The following BEGAIN variants were observed in gnomAD, a reference collection of about 807,000 sequenced individuals.
The protein encoded by BEGAIN is brain enriched guanylate kinase associated, also known as brain-enriched guanylate kinase-associated protein.
A neutral mutation model predicts 35.8 loss-of-function variants in BEGAIN; 19 were observed. That is an observed-to-expected ratio of 0.53 (90% confidence interval 0.37 to 0.78). The LOEUF (loss-of-function observed/expected upper bound fraction) is 0.78, where lower values mean the gene tolerates loss of function less well. BEGAIN is among the 30% of genes least tolerant of loss of function. The probability of loss-of-function intolerance (pLI) is 0.00; values close to 1 mark genes in which losing one functional copy is unlikely to be tolerated. For synonymous variants in BEGAIN, 462 were observed against 388.6 expected (o/e 1.19, Z -2.22); for missense variants, 795 against 853.6 (o/e 0.93, Z 0.85).
intron 1 of BEGAIN, among the ~76,000 whole-genome samples, chr14:100,584,566 CACTT>C (rs1340690237): frequency 6.6e-6 from 1 of 152,194 alleles, no homozygotes; most frequent in Admixed American, 6.5e-5. Flanking sequence ...AGAATTCACA[CACTT>C]AGTCATTCAT....
rs2032495891 is a variant in BEGAIN at position 100,546,607 on chromosome 14, T to C, written c.127A>G (p.Lys43Glu). ...LRKRLSYTTH[K>E]LEKLETEFDS... ...AACTCGGTCTCGAGCTTCTCGAGCT[T>C]GTGTGTGGTGTAGGACAGCCGCTTG... Residue 43 changes from lysine (K) to glutamate (E), a missense_variant, in exon 3 of 7, where the codon AAG (lysine) becomes GAG (glutamate). Coordinates refer to ENST00000554140, the MANE Select transcript of BEGAIN (RefSeq NM_001385089.1). 6 of 1,592,004 alleles carry C rather than the reference T, an allele frequency of 3.8e-6. No homozygotes were observed. Among genetic ancestry groups the C allele is most frequent in the Non-Finnish European group, 4.3e-6 (5 of 1,172,282 alleles).
chr14:100,538,874 A>T lies in BEGAIN; in HGVS notation c.934T>A (p.Ser312Thr), dbSNP rs368162124. 7 of 1,607,754 alleles carry T rather than the reference A, an allele frequency of 4.4e-6. No individual in the cohort carries two copies. Among genetic ancestry groups the T allele is most frequent in the Non-Finnish European group, 5.9e-6 (7 of 1,178,448 alleles). The change falls in exon 7 of 7, where the codon TCA (serine) becomes ACA (threonine). Residue 312 changes from serine (S) to threonine (T), a missense_variant. Ser to Thr is a moderately conservative substitution (Grantham distance 58). Around this residue, in one of 3 missense-constraint regions of BEGAIN, gnomAD observed 664 missense variants for 647.7 expected, o/e 1.03. Transcript: ENST00000554140. ...QHEAFPSYAG[S>T]LPTSSSYSSF... ...GAGTAGGAGCTGGACGTGGGCAGTG[A>T]GCCTGCGTAGCTGGGGAAGGCCTCA...
chr14:100,570,367 A>G (rs2035040159), intron 1 of BEGAIN, among the ~76,000 whole-genome samples: 1 of 152,222 alleles, frequency 6.6e-6, no homozygotes, highest in African/African-American at 2.4e-5. Flanking sequence ...GGGAACAGGC[A>G]GCCCCTGCCC....
At chr14:100,543,607 G>C (rs139052707) in intron 5 of BEGAIN, among the ~76,000 whole-genome samples, 1 of 152,260 alleles carries the variant, frequency 6.6e-6, no homozygotes, top group African/African-American at 2.4e-5. Flanking sequence ...TACAGCAGAG[G>C]GTCTGTTTAA....
chr14:100,554,860 C>G (rs2033551537), intron 2 of BEGAIN, among the ~76,000 whole-genome samples: 1 of 152,244 alleles, frequency 6.6e-6, no homozygotes, highest in Non-Finnish European at 1.5e-5. Context: ...CCGCCACAGC[C>G]CCAGCCTCGC....
Position 100,573,554 on chromosome 14 carries a change from C to T in BEGAIN, c.43-5615G>A, listed in dbSNP as rs2035136897. Among the ~76,000 whole-genome samples, 3 of 152,272 alleles carry T rather than the reference C, an allele frequency of 2.0e-5. No homozygotes were observed. Among genetic ancestry groups the T allele is most frequent in the Admixed American group, 1.3e-4 (2 of 15,298 alleles). On this transcript the variant is annotated intron_variant, in intron 1 of 6. Transcript: ENST00000554140. The surrounding 1 kb of genome is among the most constrained non-coding windows in gnomAD (Gnocchi z 4.2). ...AGTGCAGGACCCCAGGGCATCCAGC[C>T]AGGCCCACGGGGCCTGGGGTGGAGG...
chr14:100,567,986 C>T lies in BEGAIN; in HGVS notation c.43-47G>A. On this transcript the variant is annotated intron_variant, in intron 1 of 6. Transcript: ENST00000554140. This position sits in a 1 kb window ranked among gnomAD's most constrained non-coding sequence, Gnocchi z 5.1. The stretch of plus-strand genomic sequence containing the variant: ...GGTCAGCAGGCAGGAGGCGTGCGCT[C>T]CGCGGCCGCGCCGGGCAGAGCCGGG... 1 of 1,396,310 alleles carries T rather than the reference C, an allele frequency of 7.2e-7. No individual in the cohort carries two copies. The highest frequency in any genetic ancestry group is 3.6e-5 in the East Asian group (1 of 27,518). The allele number at this position is 1,396,310 out of a possible 1,614,324, so 86.5% of individuals were successfully genotyped here.
At chr14:100,544,565 C>T (rs1323218998) in intron 4 of BEGAIN, among the ~76,000 whole-genome samples, 2 of 152,234 alleles carry the variant, frequency 1.3e-5, no homozygotes, top group Admixed American at 1.3e-4. Flanking sequence ...GGCGACCCCA[C>T]TGAGGTCACC....
rs756675638 is a variant in BEGAIN, at chr14:100,538,197, C to A, written c.1611G>T (p.Gly537=). 7.7e-6 allele frequency: 12 copies of A among 1,552,392 alleles called. No homozygotes were observed. The highest frequency in any genetic ancestry group is 7.1e-5 in the South Asian group (6 of 84,624). The change falls in exon 7 of 7, where the codon GGG becomes GGT. Residue 537 remains glycine, a synonymous_variant. Transcript: ENST00000554140. ...DPLPGYAPSE[G]GDGDRLGVQL... ...GCACCCCGAGCCTGTCCCCGTCCCC[C>A]CCCTCGCTGGGTGCATAGCCGGGCA...
intron 2 of BEGAIN, among the ~76,000 whole-genome samples, chr14:100,555,328 C>G (rs1179943001): frequency 6.6e-6 from 1 of 152,250 alleles, no homozygotes; most frequent in East Asian, 1.9e-4. Context: ...GTGCCGGTGG[C>G]CTGTGTTCCC....
At chr14:100,585,411 C>T (rs2035420271) in intron 1 of BEGAIN, among the ~76,000 whole-genome samples, 1 of 84,180 alleles carries the variant, frequency 1.2e-5, no homozygotes, top group East Asian at 3.4e-4. Flanking sequence ...ATCCCTCCCT[C>T]CCTCCCATCC....
At position 100,557,161 on chromosome 14, in the gene BEGAIN, G is replaced by A. The variant is rs1002912053; in HGVS notation, c.72-10499C>T. Among the ~76,000 whole-genome samples, 89 of 150,540 alleles carry A rather than the reference G, an allele frequency of 5.9e-4. 1 individual carries two copies. The highest frequency in any genetic ancestry group is 4.6e-4 in the Non-Finnish European group (31 of 67,716). On this transcript the variant is annotated intron_variant, in intron 2 of 6. Transcript: ENST00000554140. ...CTTCCAGCCACACCCGAGTCAGGGCGGGCCAAACCCAGGCCCCCAATCCCA... is the reference window on the plus strand; with the variant it reads ...CTTCCAGCCACACCCGAGTCAGGGCAGGCCAAACCCAGGCCCCCAATCCCA...
rs1357157583 is a variant in BEGAIN, at chr14:100,545,086, G to C, written c.234-20C>G. 6.2e-7 allele frequency: 1 copy of C among 1,612,880 alleles called. No homozygotes were observed. The highest frequency in any genetic ancestry group is 1.1e-5 in the South Asian group (1 of 91,088). On this transcript the variant is annotated intron_variant, in intron 3 of 6. Coordinates refer to ENST00000554140, the MANE Select transcript of BEGAIN (RefSeq NM_001385089.1). ...TGAATCCTGGTGCAGGAGGCAAGGG[G>C]GTCACTGCCATGCAAGGCCTGTCCC...
At chr14:100,572,009 T>C (rs1454564691) in intron 1 of BEGAIN, among the ~76,000 whole-genome samples, 1 of 152,172 alleles carries the variant, frequency 6.6e-6, no homozygotes. Flanking sequence ...CAGGTGGTGT[T>C]GGCCTGAACG....
rs2034899376 is a variant in BEGAIN at position 100,568,342 on chromosome 14, C to T, written c.43-403G>A. 3.0e-5 allele frequency: 30 copies of T among 1,006,596 alleles called. No homozygotes were observed. Among genetic ancestry groups the T allele is most frequent in the Non-Finnish European group, 3.8e-5 (28 of 744,762 alleles). The allele number at this position is 1,006,596 out of a possible 1,614,324, so 62.4% of individuals were successfully genotyped here. A position where few individuals can be genotyped will look rare whatever the true frequency, so the allele number is the denominator to read the frequency against. The stretch of plus-strand genomic sequence containing the variant: ...CCGCCCGTTAACCCTTCCTGCCCCG[C>T]GCTCCCTCCCGGAGGAAGCCGAACC... On this transcript the variant is annotated intron_variant, in intron 1 of 6. Transcript: ENST00000554140. This position sits in a 1 kb window ranked among gnomAD's most constrained non-coding sequence, Gnocchi z 7.5.
At position 100,540,538 on chromosome 14, in the gene BEGAIN, C is replaced by G. The variant is rs752826830; in HGVS notation, c.450G>C (p.Leu150=). 5 of 1,608,176 alleles carry G rather than the reference C, an allele frequency of 3.1e-6. No individual in the cohort carries two copies. The highest frequency in any genetic ancestry group is 4.2e-6 in the Non-Finnish European group (5 of 1,177,500). The change falls in exon 6 of 7, where the codon CTG becomes CTC. Residue 150 remains leucine, a synonymous_variant. Transcript: ENST00000554140. ...RKDCNLAAQL[L]QCSQTYGRVH... ...CCCTGCCGTAGGTCTGGCTGCACTG[C>G]AGCAGCTGGGCCGCTAGATTGCAGT... is the stretch of plus-strand genomic sequence containing the variant.
rs762843637 is a variant in BEGAIN, at chr14:100,543,990, G to C, written c.301-25C>G. 3.8e-6 allele frequency: 6 copies of C among 1,573,740 alleles called. No homozygotes were observed. In the Admixed American group the frequency reaches 5.4e-5, roughly 14 times the overall value. On this transcript the variant is annotated intron_variant, in intron 4 of 6. Transcript: ENST00000554140. The stretch of plus-strand genomic sequence containing the variant: ...CCTGGGGGTGGGACAGTGGGAGGAG[G>C]AGGCCCGTGGTTGGCTCCTGGTGAG...
rs760389135 is a variant in BEGAIN, at chr14:100,543,942, C to T, written c.324G>A (p.Lys108=). ...YRMGQHYEEE[K]RALSHEIVAL... ...CAACAATCTCGTGGCTCAGCGCACG[C>T]TTCTCCTCCTCATAGTGCTGGCCCT... The change falls in exon 5 of 7, where the codon AAG becomes AAA. Residue 108 remains lysine, a synonymous_variant. Transcript: ENST00000554140. The T allele has an allele frequency of 3.1e-6, 5 of 1,611,918 alleles. No homozygotes were observed. In the South Asian group the frequency reaches 5.5e-5, roughly 18 times the overall value.
chr14:100,545,004 C>T lies in BEGAIN; in HGVS notation c.296G>A (p.Arg99His), dbSNP rs114368829. ...INQELEDKLY[R>H]MGQHYEEEKR... ...GGCGCTGCGTGGCGGCCTCACCATG[C>T]GGTACAGCTTGTCCTCCAGCTCCTG... Residue 99 changes from arginine (R) to histidine (H), a missense_variant, in exon 4 of 7, where the codon CGC (arginine) becomes CAC (histidine). Arg to His is a conservative substitution (Grantham distance 29). This residue lies in a region of BEGAIN where 73 missense variants were observed against 143.2 expected (regional missense o/e 0.51). Coordinates refer to ENST00000554140, the MANE Select transcript of BEGAIN (RefSeq NM_001385089.1). 49 of 1,612,096 alleles carry T rather than the reference C, an allele frequency of 3.0e-5. No individual in the cohort carries two copies. Among genetic ancestry groups the T allele is most frequent in the East Asian group, 6.7e-5 (3 of 44,872 alleles).
Sources: gnomAD v4.1 joint callset for allele counts (sites outside exome capture counted in the v4.1 genomes callset) on GRCh38, gnomAD v4.1.1 for gene constraint, gnomAD v4.1.1 regional missense constraint, Gnocchi (gnomAD v3.1) non-coding constraint, MANE v1.5 for transcripts, NCBI Gene and HGNC (gene_info 2026-07-23, HGNC 2026-07-21) for gene names.